RYR2: variants seen among roughly 807,000 people sequenced by gnomAD.
RYR2 encodes the protein cardiac muscle ryanodine receptor-calcium release channel.
In RYR2, 227 loss-of-function variants were observed where a neutral mutation model predicts 601.1. The ratio of observed to expected loss-of-function variants is 0.38; its 90% CI spans 0.34 to 0.42. The LOEUF (loss-of-function observed/expected upper bound fraction) is 0.42. RYR2 is among the 10% of genes least tolerant of loss of function. RYR2 has a pLI of 1.00. For missense variants in RYR2, 4,646 were observed against 6,156.5 expected, an observed-to-expected ratio of 0.75 and a Z score of 8.21; for synonymous variants, 2,223 against 2,175.1, an observed-to-expected ratio of 1.02 and a Z score of -0.61.
intron 8 of RYR2, among the ~76,000 whole-genome samples, chr1:237,382,045 AC>A: frequency 6.6e-6 from 1 of 152,348 alleles, no homozygotes; most frequent in East Asian, 1.9e-4. Flanking sequence ...TTCAAACTAA[AC>A]AAAATGAATC....
intron 60 of RYR2, among the ~76,000 whole-genome samples, chr1:237,676,575 G>C (rs1685417576): frequency 6.6e-6 from 1 of 152,124 alleles, no homozygotes; most frequent in African/African-American, 2.4e-5. Context: ...CTCTGTTAGA[G>C]GAGCAGATAG....
At chr1:237,737,576 A>G (rs1256115019) in intron 79 of RYR2, among the ~76,000 whole-genome samples, 1 of 152,206 alleles carries the variant, frequency 6.6e-6, no homozygotes. Flanking sequence ...TTAATTAAGT[A>G]TATGTCATCA....
rs778668388 is a variant in RYR2 at position 237,454,579 on chromosome 1, G to A, written c.1476+5G>A. 9.9e-6 allele frequency: 16 copies of A among 1,611,486 alleles called. No homozygotes were observed. The highest frequency in any genetic ancestry group is 4.5e-5 in the East Asian group (2 of 44,714). On this transcript the variant is annotated splice_donor_5th_base_variant and intron_variant, in intron 15 of 104. Transcript: ENST00000366574. Reference sequence around the variant, plus strand: ...CAAAATCTCTTCCAGGAAGAGGTCCGTTTCTATCAACACTCATTTCTCTTC... The same window carrying A: ...CAAAATCTCTTCCAGGAAGAGGTCCATTTCTATCAACACTCATTTCTCTTC...
intron 20 of RYR2, among the ~76,000 whole-genome samples, chr1:237,500,224 C>G (rs753702300): frequency 3.3e-5 from 5 of 152,152 alleles, no homozygotes; most frequent in Admixed American, 1.3e-4. Context: ...CATGAAGTAC[C>G]TGCTGTGCCT....
At chr1:237,280,724 T>G (rs1690764279) in intron 2 of RYR2, among the ~76,000 whole-genome samples, 1 of 151,930 alleles carries the variant, frequency 6.6e-6, no homozygotes, top group African/African-American at 2.4e-5. Flanking sequence ...TGGACCTGAA[T>G]GGAACTGCTT....
At chr1:237,429,728 T>C (rs1040972946) in intron 12 of RYR2, among the ~76,000 whole-genome samples, 3 of 152,134 alleles carry the variant, frequency 2.0e-5, no homozygotes, top group Admixed American at 6.5e-5. Context: ...TTAACATACT[T>C]CAAAAATATT....
chr1:237,560,941 G>A (rs781487185), intron 27 of RYR2, among the ~76,000 whole-genome samples: 8 of 152,156 alleles, frequency 5.3e-5, no homozygotes, highest in African/African-American at 1.9e-4. Flanking sequence ...GTTTTCTGGC[G>A]AACTCAGCAG....
intron 24 of RYR2, among the ~76,000 whole-genome samples, chr1:237,514,735 TG>T (rs1468661278): frequency 1.3e-5 from 2 of 152,210 alleles, no homozygotes; most frequent in Non-Finnish European, 2.9e-5. Context: ...GAAATGTTGC[TG>T]GAGTCACTCA....
chr1:237,735,218 A>G (rs1255445264), intron 79 of RYR2, among the ~76,000 whole-genome samples: 2 of 152,190 alleles, frequency 1.3e-5, no homozygotes, highest in African/African-American at 2.4e-5. Context: ...GAGAGGGGCC[A>G]TGGAGTGGGG....
chr1:237,256,287 G>T (rs1017937130), intron 1 of RYR2, among the ~76,000 whole-genome samples: 4 of 152,162 alleles, frequency 2.6e-5, no homozygotes, highest in Non-Finnish European at 4.4e-5. Context: ...ACATGGAACT[G>T]TGAGTCCATT....
intron 1 of RYR2, among the ~76,000 whole-genome samples, chr1:237,071,713 CCCCT>C (rs1664356176): frequency 6.6e-6 from 1 of 152,184 alleles, no homozygotes; most frequent in Non-Finnish European, 1.5e-5. Flanking sequence ...CAGGGACCTA[CCCCT>C]TCCTGCCTAG....
intron 73 of RYR2, among the ~76,000 whole-genome samples, chr1:237,722,792 T>C (rs1172344392): frequency 2.0e-5 from 3 of 152,196 alleles, no homozygotes; most frequent in African/African-American, 7.2e-5. Flanking sequence ...TGTTTCAATA[T>C]ACATAAGCAT....
At chr1:237,357,754 A>T (rs1303385803) in intron 4 of RYR2, among the ~76,000 whole-genome samples, 2 of 152,152 alleles carry the variant, frequency 1.3e-5, no homozygotes, top group Admixed American at 1.3e-4. Flanking sequence ...TTATAATCTT[A>T]TGTAGCCTCT....
chr1:237,815,632 A>G (rs1661738156), intron 100 of RYR2, among the ~76,000 whole-genome samples: 1 of 152,246 alleles, frequency 6.6e-6, no homozygotes, highest in Non-Finnish European at 1.5e-5. Context: ...GAAGGAGAGC[A>G]GTGAGGAAGG....
chr1:237,199,270 G>A (rs1680910779), intron 1 of RYR2, among the ~76,000 whole-genome samples: 1 of 152,200 alleles, frequency 6.6e-6, no homozygotes, highest in African/African-American at 2.4e-5. Flanking sequence ...CCCACAATAG[G>A]CCATCTGCAA....
intron 34 of RYR2, among the ~76,000 whole-genome samples, chr1:237,600,521 C>T (rs1166296757): frequency 6.6e-6 from 1 of 152,128 alleles, no homozygotes; most frequent in Admixed American, 6.6e-5. Context: ...GGGGGAAACA[C>T]TTCATGACAT....
At chr1:237,584,219 T>A (rs556185939) in intron 29 of RYR2, among the ~76,000 whole-genome samples, 1 of 152,298 alleles carries the variant, frequency 6.6e-6, no homozygotes, top group South Asian at 2.1e-4. Flanking sequence ...TGTGTTGAAA[T>A]ACTTGTGTGT....
chr1:237,673,667 T>C (rs1685149790), intron 58 of RYR2, among the ~76,000 whole-genome samples: 1 of 152,220 alleles, frequency 6.6e-6, no homozygotes, highest in Admixed American at 6.5e-5. Context: ...AGACTTTTTC[T>C]CTTCTCTCTG....
intron 41 of RYR2, among the ~76,000 whole-genome samples, chr1:237,630,920 A>C (rs1208259963): frequency 6.6e-6 from 1 of 152,180 alleles, no homozygotes; most frequent in African/African-American, 2.4e-5. Flanking sequence ...CCTTTTAAGT[A>C]TTTGTCAGAA....
Sources: gnomAD v4.1 joint callset for allele counts (sites outside exome capture counted in the v4.1 genomes callset) on GRCh38, gnomAD v4.1.1 for gene constraint, MANE v1.5 for transcripts, NCBI Gene and HGNC (gene_info 2026-07-23, HGNC 2026-07-21) for gene names.